Variants in CA10 observed in about 807,000 individuals in gnomAD.
The protein encoded by CA10 is carbonic anhydrase 10 (inactive).
In CA10, 14 loss-of-function variants were observed where a neutral mutation model predicts 44.2. That is an observed-to-expected ratio of 0.32 (90% CI 0.21 to 0.50). CA10 has a LOEUF of 0.50. Among genes scored for constraint, CA10 ranks in the 20% least tolerant of loss-of-function variants. The pLI, the probability that CA10 is intolerant of heterozygous loss-of-function variation, is 0.99. For synonymous variants in CA10, 159 were observed against 141.6 expected (o/e 1.12, Z -0.87); for missense variants, 350 against 409.7 (o/e 0.85, Z 1.26).
intron 2 of CA10, among the ~76,000 whole-genome samples, chr17:51,990,158 A>T (rs931404152): frequency 5.9e-5 from 9 of 152,054 alleles, no homozygotes; most frequent in African/African-American, 2.2e-4. Flanking sequence ...ACTATTTAAT[A>T]CAGTAAATGT....
intron 1 of CA10, among the ~76,000 whole-genome samples, chr17:52,101,381 A>G (rs1347226821): frequency 1.3e-5 from 2 of 152,246 alleles, no homozygotes; most frequent in African/African-American, 4.8e-5. Flanking sequence ...CAAATGTGAC[A>G]TCATGTCAGC....
intron 4 of CA10, among the ~76,000 whole-genome samples, chr17:51,699,251 A>G (rs1915506562): frequency 6.6e-6 from 1 of 150,996 alleles, no homozygotes; most frequent in Admixed American, 6.7e-5. Context: ...TGAACCCAGG[A>G]GGTGGACCTT....
At chr17:51,855,903 T>C (rs926968326) in intron 3 of CA10, among the ~76,000 whole-genome samples, 2 of 152,062 alleles carry the variant, frequency 1.3e-5, no homozygotes, top group African/African-American at 4.8e-5. Context: ...ACTTTTGTCA[T>C]GGTCTTTGCT....
At chr17:52,049,730 C>T (rs1040012355) in intron 2 of CA10, among the ~76,000 whole-genome samples, 8 of 152,200 alleles carry the variant, frequency 5.3e-5, no homozygotes, top group South Asian at 2.1e-4. Context: ...CAACAAGATG[C>T]CTTCTTTTGA....
At chr17:51,715,881 G>T (rs547323113) in intron 4 of CA10, among the ~76,000 whole-genome samples, 1 of 151,988 alleles carries the variant, frequency 6.6e-6, no homozygotes, top group Admixed American at 6.6e-5. Flanking sequence ...GTAGAGACGG[G>T]GTTTCACCAT....
At chr17:52,141,376 A>G (rs1405445383) in intron 1 of CA10, among the ~76,000 whole-genome samples, 1 of 152,210 alleles carries the variant, frequency 6.6e-6, no homozygotes, top group Non-Finnish European at 1.5e-5. Context: ...GAAGCTTCCG[A>G]GCTTTTAAAA....
At chr17:52,111,572 T>C (rs1988789871) in intron 1 of CA10, among the ~76,000 whole-genome samples, 1 of 152,152 alleles carries the variant, frequency 6.6e-6, no homozygotes, top group Non-Finnish European at 1.5e-5. Context: ...CAGGTCCCAG[T>C]ACCTGCTCAG....
intron 4 of CA10, among the ~76,000 whole-genome samples, chr17:51,704,980 GAAAA>G (rs958987203): frequency 6.7e-6 from 1 of 148,382 alleles, no homozygotes; most frequent in African/African-American, 2.5e-5. Flanking sequence ...AAAAAAAAAA[GAAAA>G]AGAAAAAAGA....
intron 2 of CA10, among the ~76,000 whole-genome samples, chr17:52,038,874 G>T (rs1986691482): frequency 6.6e-6 from 1 of 151,896 alleles, no homozygotes; most frequent in African/African-American, 2.4e-5. Context: ...TGTTTCTCTG[G>T]GTCCTGTTTC....
At chr17:52,035,739 A>G (rs1986598856) in intron 2 of CA10, among the ~76,000 whole-genome samples, 1 of 152,198 alleles carries the variant, frequency 6.6e-6, no homozygotes, top group African/African-American at 2.4e-5. Context: ...TCCAACACTC[A>G]TGCACTCCAG....
intron 2 of CA10, among the ~76,000 whole-genome samples, chr17:52,045,781 C>T (rs951209990): frequency 1.3e-5 from 2 of 151,908 alleles, no homozygotes; most frequent in African/African-American, 4.8e-5. Context: ...TTTAAAACTC[C>T]ACCAAATAAC....
intron 2 of CA10, among the ~76,000 whole-genome samples, chr17:52,034,880 C>T (rs1220352412): frequency 6.6e-6 from 1 of 152,106 alleles, no homozygotes; most frequent in Non-Finnish European, 1.5e-5. Flanking sequence ...AACCTTACTT[C>T]AATCTCATTT....
At chr17:52,153,906 T>A (rs550022358) in intron 1 of CA10, among the ~76,000 whole-genome samples, 1 of 152,218 alleles carries the variant, frequency 6.6e-6, no homozygotes, top group Non-Finnish European at 1.5e-5. Flanking sequence ...TTATCTCTTT[T>A]CTACACATAA....
chr17:51,646,401 T>G (rs1913339054), intron 6 of CA10, among the ~76,000 whole-genome samples: 1 of 152,064 alleles, frequency 6.6e-6, no homozygotes, highest in South Asian at 2.1e-4. Context: ...CAGAGCAAAT[T>G]GAAGCTATGC....
chr17:52,066,069 G>C (rs1444437800), intron 2 of CA10, among the ~76,000 whole-genome samples: 1 of 152,190 alleles, frequency 6.6e-6, no homozygotes, highest in Admixed American at 6.5e-5. Flanking sequence ...GCTGAACTAT[G>C]AGTCAATTAA....
intron 4 of CA10, among the ~76,000 whole-genome samples, chr17:51,739,112 G>A (rs1263978): frequency 0.41 from 61,755 of 151,912 alleles, 13,595 homozygotes; most frequent in Middle Eastern, 0.5. Flanking sequence ...GTGACCTTTC[G>A]TGGAACCTCT....
intron 4 of CA10, among the ~76,000 whole-genome samples, chr17:51,673,396 C>T (rs542384631): frequency 6.6e-6 from 1 of 152,258 alleles, no homozygotes; most frequent in East Asian, 1.9e-4. Context: ...GCTCATTATC[C>T]TGCCACCCTG....
chr17:52,065,366 T>C (rs2970034), intron 2 of CA10, among the ~76,000 whole-genome samples: 150,773 of 152,322 alleles, frequency 0.99, 74,637 homozygotes, highest in East Asian at 1. Flanking sequence ...AGGAACAGCC[T>C]TTCACTCTGT....
In CA10 at chr17:51,825,508, T is replaced by A. The variant is rs540970568; in HGVS notation, c.280-77690A>T. 9.8e-5 allele frequency among the ~76,000 whole-genome samples: 15 copies of A among 152,316 alleles called. No homozygotes were observed. In the East Asian group the frequency reaches 2.7e-3, roughly 27 times the overall value. On this transcript the variant is annotated intron_variant, in intron 3 of 8. Transcript: ENST00000451037. ...AAAAAGCAGGCACAGAGAGGTTAAGTAACTTGCCCAAGGTCACACAGCTAG... is the reference window on the plus strand; with the variant it reads ...AAAAAGCAGGCACAGAGAGGTTAAGAAACTTGCCCAAGGTCACACAGCTAG...
Sources: allele counts gnomAD v4.1 joint callset (sites outside exome capture counted in the v4.1 genomes callset), GRCh38; gene constraint gnomAD v4.1.1; transcripts MANE v1.5; gene names NCBI Gene and HGNC (gene_info 2026-07-23, HGNC 2026-07-21).